Variants in SOCS4 observed in about 807,000 individuals in gnomAD.
SOCS4 encodes the protein suppressor of cytokine signaling 4.
SOCS4 carries 20 observed loss-of-function variants against 34.1 expected under a neutral mutation model. That is an observed-to-expected ratio of 0.59 (90% CI 0.41 to 0.85). SOCS4 has a LOEUF of 0.85. Among genes scored for constraint, SOCS4 ranks in the 40% least tolerant of loss-of-function variants. SOCS4 has a pLI of 0.00. For synonymous variants in SOCS4, 180 were observed against 186.4 expected, an observed-to-expected ratio of 0.97 and a Z score of 0.28; for missense variants, 479 against 532.4, an observed-to-expected ratio of 0.90 and a Z score of 0.99.
chr14:55,044,239 T>C lies in SOCS4; in HGVS notation c.1198T>C (p.Cys400Arg), dbSNP rs369828209. 3 of 1,614,104 alleles carry C rather than the reference T, an allele frequency of 1.9e-6. No homozygotes were observed. Among genetic ancestry groups the C allele is most frequent in the African/African-American group, 2.7e-5 (2 of 75,058 alleles). Residue 400 changes from cysteine to arginine, a missense_variant, in exon 3 of 3, where the codon TGT becomes CGT. By Grantham distance (180) the Cys-to-Arg change is radical. Coordinates refer to ENST00000555846, the MANE Select transcript of SOCS4 (RefSeq NM_199421.2). ...TATATGCAGAACAGTTATTTGTAAC[T>C]GTACAACTTATGATGGCATCGATGC... Reference protein sequence around the residue: ...QHICRTVICNCTTYDGIDALP... With the variant: ...QHICRTVICNRTTYDGIDALP...
At chr14:55,027,663 T>C (rs2042478418) in intron 1 of SOCS4, 192 bp downstream of exon 1, 1 of 152,276 alleles carries the variant, frequency 6.6e-6, no homozygotes, top group African/African-American at 2.4e-5. Flanking sequence ...GAGCCTCTAA[T>C]CTTGGCATCC....
chr14:55,028,540 A>G (rs994081888), intron 1 of SOCS4, among the ~76,000 whole-genome samples: 3 of 152,050 alleles, frequency 2.0e-5, no homozygotes, highest in Non-Finnish European at 4.4e-5. Flanking sequence ...ATTCGTCTCT[A>G]TGTTGAATAA....
chr14:55,031,372 C>T (rs896138225), intron 1 of SOCS4, among the ~76,000 whole-genome samples: 1 of 152,170 alleles, frequency 6.6e-6, no homozygotes, highest in Non-Finnish European at 1.5e-5. Flanking sequence ...AACTTTCTTC[C>T]ACAAAAGGAT....
At position 55,034,091 on chromosome 14, in the gene SOCS4, C is replaced by G. The variant is rs932661617; in HGVS notation, c.-91+2100C>G. On this transcript the variant is annotated intron_variant, in intron 2 of 2. Coordinates refer to ENST00000555846, the MANE Select transcript of SOCS4 (RefSeq NM_199421.2). ...GGAGGTGCAGTGAGCCGAGATCGCA[C>G]TGCTGCACTCCACCCTGGGTGACAG... is the stretch of plus-strand genomic sequence containing the variant. Among the ~76,000 whole-genome samples, 21 of 152,314 alleles carry G rather than the reference C, an allele frequency of 1.4e-4. 1 individual carries two copies. The East Asian group carries it at 4.0e-3, about 29-fold the overall frequency.
At chr14:55,036,783 A>G (rs1306354071) in intron 2 of SOCS4, among the ~76,000 whole-genome samples, 2 of 152,016 alleles carry the variant, frequency 1.3e-5, no homozygotes, top group Non-Finnish European at 2.9e-5. Context: ...TATTTGCTGT[A>G]TTAGTTCCTA....
At chr14:55,036,086 A>G (rs929824203) in intron 2 of SOCS4, among the ~76,000 whole-genome samples, 1 of 152,192 alleles carries the variant, frequency 6.6e-6, no homozygotes, top group Admixed American at 6.5e-5. Context: ...CATCCTTGCC[A>G]TCCATATACA....
Position 55,043,836 on chromosome 14 carries a change from C to T in SOCS4, c.795C>T (p.His265=), listed in dbSNP as rs780455415. 4 of 1,614,172 alleles carry T rather than the reference C, an allele frequency of 2.5e-6. No individual in the cohort carries two copies. The highest frequency in any genetic ancestry group is 4.5e-5 in the East Asian group (2 of 44,886). Residue 265 remains histidine, a synonymous_variant, in exon 3 of 3, where the codon CAC becomes CAT. Coordinates refer to ENST00000555846, the MANE Select transcript of SOCS4 (RefSeq NM_199421.2). ...AGTTGGAAACACCTCCTAAATACCA[C>T]ACGCAGATTGATTATGTCCACTGTC... ...ILQLETPPKY[H]TQIDYVHCLV...
Position 55,046,715 on chromosome 14 carries a change from A to C in SOCS4, c.*2351A>C, listed in dbSNP as rs999239238. On this transcript the variant is annotated 3_prime_UTR_variant, in exon 3 of 3. Transcript: ENST00000555846. ...ATAAATGAGAGCAGGGAGGAGATTC[A>C]TTGACTCTGAAATGATTTTTATTTT... is the stretch of plus-strand genomic sequence containing the variant. 1.2e-5 allele frequency: 2 copies of C among 167,024 alleles called. No individual in the cohort carries two copies. The highest frequency in any genetic ancestry group is 4.8e-5 in the African/African-American group (2 of 41,458). The allele number at this position is 167,024 out of a possible 1,614,324, so 10.3% of individuals were successfully genotyped here.
chr14:55,043,959 T>C lies in SOCS4; in HGVS notation c.918T>C (p.Gly306=), dbSNP rs779118233. Residue 306 remains glycine (G), a synonymous_variant, in exon 3 of 3, where the codon GGT becomes GGC. Transcript: ENST00000555846. ...CACTACTGGAAGGAAAACCAGAGGG[T>C]ACCTTTTTACTTCGAGACTCAGCAC... is the stretch of plus-strand genomic sequence containing the variant. ...AEALLEGKPE[G]TFLLRDSAQE... The C allele has an allele frequency of 1.9e-6, 3 of 1,614,022 alleles. No individual in the cohort carries two copies. Among genetic ancestry groups the C allele is most frequent in the Non-Finnish European group, 2.5e-6 (3 of 1,179,992 alleles).
intron 1 of SOCS4, among the ~76,000 whole-genome samples, chr14:55,030,976 T>C (rs1462896257): frequency 2.0e-5 from 3 of 152,286 alleles, no homozygotes; most frequent in African/African-American, 7.2e-5. Flanking sequence ...AGCCAAAATG[T>C]CAAAATTGCT....
intron 2 of SOCS4, among the ~76,000 whole-genome samples, chr14:55,035,707 T>C (rs537056158): frequency 6.6e-6 from 1 of 152,338 alleles, no homozygotes; most frequent in East Asian, 1.9e-4. Flanking sequence ...CTGAGCTGAA[T>C]ACATGCATTA....
chr14:55,039,582 G>T (rs1487325623), intron 2 of SOCS4, among the ~76,000 whole-genome samples: 1 of 152,200 alleles, frequency 6.6e-6, no homozygotes, highest in Non-Finnish European at 1.5e-5. Context: ...CCTTGGTAAA[G>T]GTGAGAATGT....
In SOCS4 at chr14:55,042,979, C is replaced by G; in HGVS notation, c.-63C>G. The stretch of plus-strand genomic sequence containing the variant: ...ACATCCAGAAAGTGCCCAGAAGAAA[C>G]TTCCTGCTGGAAAAAATGAAAAAGC... On this transcript the variant is annotated 5_prime_UTR_variant, in exon 3 of 3. Coordinates refer to ENST00000555846, the MANE Select transcript of SOCS4 (RefSeq NM_199421.2). 1 of 1,468,538 alleles carries G rather than the reference C, an allele frequency of 6.8e-7. No homozygotes were observed. The highest frequency in any genetic ancestry group is 1.4e-5 in the South Asian group (1 of 73,198). 91.0% of individuals were successfully genotyped at this position (1,468,538 alleles called of 1,614,324 possible).
chr14:55,030,829 A>G (rs2042522043), intron 1 of SOCS4, among the ~76,000 whole-genome samples: 1 of 152,150 alleles, frequency 6.6e-6, no homozygotes, highest in Admixed American at 6.5e-5. Flanking sequence ...ATGCTATTTC[A>G]TCTTCACCAT....
chr14:55,044,463 T>C lies in SOCS4; in HGVS notation c.*99T>C. On this transcript the variant is annotated 3_prime_UTR_variant, in exon 3 of 3. Transcript: ENST00000555846. ...TTGGATTTTTCTACAAAGGCAGTGG[T>C]GTCCAAAATAAAATCTCTGCCCTAA... 1 of 914,458 alleles carries C rather than the reference T, an allele frequency of 1.1e-6. No homozygotes were observed. The highest frequency in any genetic ancestry group is 1.7e-5 in the African/African-American group (1 of 57,710). 56.6% of individuals were successfully genotyped at this position (914,458 alleles called of 1,614,324 possible).
At chr14:55,037,272 G>C (rs960633326) in intron 2 of SOCS4, among the ~76,000 whole-genome samples, 1 of 151,650 alleles carries the variant, frequency 6.6e-6, no homozygotes, top group Non-Finnish European at 1.5e-5. Context: ...AGCCTCCCGA[G>C]TAGCTGGGAC....
intron 2 of SOCS4, among the ~76,000 whole-genome samples, chr14:55,035,171 CTTT>C (rs2042562079): frequency 6.6e-6 from 1 of 152,168 alleles, no homozygotes; most frequent in African/African-American, 2.4e-5. Context: ...TGCATTAGCT[CTTT>C]AAGTACAGGT....
chr14:55,031,616 G>A (rs2042529643), intron 1 of SOCS4, among the ~76,000 whole-genome samples: 1 of 152,126 alleles, frequency 6.6e-6, no homozygotes, highest in African/African-American at 2.4e-5. Flanking sequence ...AATTAGGAAA[G>A]CATGGAAAAA....
At chr14:55,036,762 C>T (rs2140245201) in intron 2 of SOCS4, among the ~76,000 whole-genome samples, 1 of 152,210 alleles carries the variant, frequency 6.6e-6, no homozygotes, top group Admixed American at 6.5e-5. Context: ...GTCTAGTTAA[C>T]CATTTTTTCC....
Sources: gnomAD v4.1 joint callset for allele counts (sites outside exome capture counted in the v4.1 genomes callset) on GRCh38, gnomAD v4.1.1 for gene constraint, MANE v1.5 for transcripts, NCBI Gene and HGNC (gene_info 2026-07-23, HGNC 2026-07-21) for gene names.